LRRC4B: variants seen among roughly 807,000 people sequenced by gnomAD.
LRRC4B encodes leucine-rich repeat-containing protein 4B.
A neutral mutation model predicts 7.3 loss-of-function variants in LRRC4B; 1 was observed. The ratio of observed to expected loss-of-function variants is 0.14; its 90% CI spans 0.05 to 0.65. LRRC4B has a LOEUF of 0.65. Among genes scored for constraint, LRRC4B ranks in the 30% least tolerant of loss-of-function variants. The pLI, the probability that LRRC4B is intolerant of heterozygous loss-of-function variation, is 0.84. For missense variants in LRRC4B, 730 were observed against 1,041.6 expected (o/e 0.70, Z 4.12); for synonymous variants, 500 against 499.2 (o/e 1.00, Z -0.02).
At position 50,556,455 on chromosome 19, in the gene LRRC4B, C is replaced by T. The variant is rs937493832; in HGVS notation, c.-35-7582G>A. Among the ~76,000 whole-genome samples the T allele has an allele frequency of 1.8e-4, 28 of 152,144 alleles. No individual in the cohort carries two copies. Among genetic ancestry groups the T allele is most frequent in the African/African-American group, 6.5e-4 (27 of 41,420 alleles). ...TGCCCCTGCTGTGCCCTCGGCCAGC[C>T]GGGGGTGCTCTTCCTGGGGTCAGGG... On this transcript the variant is annotated intron_variant, in intron 1 of 2. Transcript: ENST00000652263. The surrounding 1 kb of genome is among the most constrained non-coding windows in gnomAD (Gnocchi z 4.2).
At chr19:50,561,179 C>G (rs886532112) in intron 1 of LRRC4B, among the ~76,000 whole-genome samples, 8 of 152,146 alleles carry the variant, frequency 5.3e-5, no homozygotes, top group African/African-American at 1.9e-4. Flanking sequence ...CCACCCAACC[C>G]CGCCACTTCT....
chr19:50,519,780 C>T lies in LRRC4B; in HGVS notation c.298-365G>A, dbSNP rs1256660629. Among the ~76,000 whole-genome samples, 1 of 151,514 alleles carries T rather than the reference C, an allele frequency of 6.6e-6. No homozygotes were observed. Among genetic ancestry groups the T allele is most frequent in the Non-Finnish European group, 1.5e-5 (1 of 67,904 alleles). ...CCCAGCTACTCGGGAGGCTGAGGCACGAGAATCACTTGAACCCAGGAGGCG... is the reference window on the plus strand; with the variant it reads ...CCCAGCTACTCGGGAGGCTGAGGCATGAGAATCACTTGAACCCAGGAGGCG... On this transcript the variant is annotated intron_variant, in intron 2 of 2. Transcript: ENST00000652263. The surrounding 1 kb of genome is among the most constrained non-coding windows in gnomAD (Gnocchi z 8.1).
chr19:50,517,658 GC>G lies in LRRC4B; in HGVS notation c.2054del (p.Gly685AlafsTer181). The G allele has an allele frequency of 2.6e-6, 4 of 1,510,078 alleles. No homozygotes were observed. The highest frequency in any genetic ancestry group is 1.3e-5 in the South Asian group (1 of 76,280). The allele number at this position is 1,510,078 out of a possible 1,614,324, so 93.5% of individuals were successfully genotyped here. ...TGGAGTTGAGGCCAGGCGGGCCTTTGCCCCCGCAGCCCCCGCCGCTGGGGTT... is the reference window on the plus strand; with the variant it reads ...TGGAGTTGAGGCCAGGCGGGCCTTTGCCCCGCAGCCCCCGCCGCTGGGGTT... ...SSNPSGGGCG[G>X]KGPPGLNSIH... On this transcript the variant is annotated frameshift_variant, in exon 3 of 3. Coordinates refer to ENST00000652263, the MANE Select transcript of LRRC4B (RefSeq NM_001080457.2). LOFTEE classifies it low-confidence loss of function (END_TRUNC). The surrounding 1 kb of genome is among the most constrained non-coding windows in gnomAD (Gnocchi z 6.6).
At chr19:50,550,284 C>T (rs1320375409) in intron 1 of LRRC4B, among the ~76,000 whole-genome samples, 3 of 152,122 alleles carry the variant, frequency 2.0e-5, no homozygotes, top group South Asian at 2.1e-4. Flanking sequence ...CTCCTTTGCA[C>T]GCAGCATCTC....
intron 1 of LRRC4B, among the ~76,000 whole-genome samples, chr19:50,565,201 G>C (rs1466535885): frequency 1.3e-5 from 2 of 152,204 alleles, no homozygotes; most frequent in African/African-American, 4.8e-5. Context: ...ACAGTGCACA[G>C]CTCTGTGACT....
rs1224840675 is a variant in LRRC4B, at chr19:50,548,405, C to G, written c.297+137G>C. 8.1e-7 allele frequency: 1 copy of G among 1,228,068 alleles called. No homozygotes were observed. Among genetic ancestry groups the G allele is most frequent in the Non-Finnish European group, 1.1e-6 (1 of 887,758 alleles). The allele number at this position is 1,228,068 out of a possible 1,614,324, so 76.1% of individuals were successfully genotyped here. ...GAGCCCGGCTCCAGCTGATAGGATG[C>G]AGACCCGCAGGCCACATCCACAGGT... On this transcript the variant is annotated intron_variant, in intron 2 of 2. Coordinates refer to ENST00000652263, the MANE Select transcript of LRRC4B (RefSeq NM_001080457.2). The surrounding 1 kb of genome is among the most constrained non-coding windows in gnomAD (Gnocchi z 6.8).
At chr19:50,543,943 G>T (rs916778990) in intron 2 of LRRC4B, among the ~76,000 whole-genome samples, 2 of 150,468 alleles carry the variant, frequency 1.3e-5, no homozygotes, top group African/African-American at 4.9e-5. Flanking sequence ...TGGTGGCTTG[G>T]GCCTGTAATC....
At chr19:50,530,928 TG>T (rs35771555) in intron 2 of LRRC4B, among the ~76,000 whole-genome samples, 39,233 of 111,502 alleles carry the variant, frequency 0.35, 6,119 homozygotes, top group Middle Eastern at 0.46. Context: ...AGTAGAAACC[TG>T]GGGGGGGGGG....
intron 2 of LRRC4B, among the ~76,000 whole-genome samples, chr19:50,523,256 A>G (rs1450485939): frequency 3.3e-5 from 5 of 152,046 alleles, no homozygotes; most frequent in African/African-American, 1.2e-4. Context: ...GCCAGGGAGA[A>G]GGGGACGGAC....
chr19:50,551,455 C>T (rs554132639), intron 1 of LRRC4B, among the ~76,000 whole-genome samples: 3 of 149,742 alleles, frequency 2.0e-5, no homozygotes, highest in East Asian at 2.0e-4. Context: ...TCCTTCCACC[C>T]CCTCTCCCAC....
chr19:50,522,481 T>TATTTATTC (rs1215780211), intron 2 of LRRC4B, among the ~76,000 whole-genome samples: 2 of 151,674 alleles, frequency 1.3e-5, no homozygotes, highest in Non-Finnish European at 2.9e-5. Flanking sequence ...TTTATTTATT[T>TATTTATTC]ATTTATTTAT....
chr19:50,527,604 C>T (rs541395658), intron 2 of LRRC4B, among the ~76,000 whole-genome samples: 5 of 152,126 alleles, frequency 3.3e-5, no homozygotes, highest in South Asian at 2.1e-4. Flanking sequence ...ATGATATGAA[C>T]GGCCCTCTAG....
chr19:50,546,573 C>T (rs1368046630), intron 2 of LRRC4B, among the ~76,000 whole-genome samples: 1 of 152,116 alleles, frequency 6.6e-6, no homozygotes, highest in Non-Finnish European at 1.5e-5. Context: ...CGTCTGGATC[C>T]CTATTGATGC....
Position 50,555,560 on chromosome 19 carries a change from A to G in LRRC4B, c.-35-6687T>C, listed in dbSNP as rs945806187. On this transcript the variant is annotated intron_variant, in intron 1 of 2. Coordinates refer to ENST00000652263, the MANE Select transcript of LRRC4B (RefSeq NM_001080457.2). The surrounding 1 kb of genome is among the most constrained non-coding windows in gnomAD (Gnocchi z 5.2). ...CCGAGATGGAGCTGAGATCCAGGCGAAGGCAGAGGCTGGGAGGGCCCGGGC... is the reference window on the plus strand; with the variant it reads ...CCGAGATGGAGCTGAGATCCAGGCGGAGGCAGAGGCTGGGAGGGCCCGGGC... 12 of 152,770 alleles carry G rather than the reference A, an allele frequency of 7.9e-5. No individual in the cohort carries two copies. The highest frequency in any genetic ancestry group is 2.9e-4 in the African/African-American group (12 of 41,464). The allele number at this position is 152,770 out of a possible 1,614,324, so 9.5% of individuals were successfully genotyped here.
intron 1 of LRRC4B, among the ~76,000 whole-genome samples, chr19:50,559,962 C>G (rs1982413287): frequency 6.6e-6 from 1 of 152,164 alleles, no homozygotes; most frequent in African/African-American, 2.4e-5. Context: ...TGGTGAAACC[C>G]TGTCTCTAAT....
intron 2 of LRRC4B, among the ~76,000 whole-genome samples, chr19:50,542,290 G>A (rs55998053): frequency 0.064 from 9,808 of 152,066 alleles, 437 homozygotes; most frequent in Middle Eastern, 0.13. Context: ...CAGGTCCCGA[G>A]GAGATGGAGG....
At position 50,548,980 on chromosome 19, in the gene LRRC4B, A is replaced by G; in HGVS notation, c.-35-107T>C. 1 of 626,916 alleles carries G rather than the reference A, an allele frequency of 1.6e-6. No individual in the cohort carries two copies. Among genetic ancestry groups the G allele is most frequent in the Non-Finnish European group, 2.7e-6 (1 of 367,126 alleles). The allele number at this position is 626,916 out of a possible 1,614,324, so 38.8% of individuals were successfully genotyped here. On this transcript the variant is annotated intron_variant, in intron 1 of 2. Coordinates refer to ENST00000652263, the MANE Select transcript of LRRC4B (RefSeq NM_001080457.2). The surrounding 1 kb of genome is among the most constrained non-coding windows in gnomAD (Gnocchi z 6.8). Reference sequence around the variant, plus strand: ...AGCCCCATCGCCGCCTCCCTGCCCCATGCCCAGAACAAAGGGACAGGGAGG... The same window carrying G: ...AGCCCCATCGCCGCCTCCCTGCCCCGTGCCCAGAACAAAGGGACAGGGAGG...
In LRRC4B at chr19:50,548,939, T is replaced by C; in HGVS notation, c.-35-66A>G. 1 of 868,448 alleles carries C rather than the reference T, an allele frequency of 1.2e-6. No homozygotes were observed. The highest frequency in any genetic ancestry group is 1.7e-6 in the Non-Finnish European group (1 of 585,180). The allele number at this position is 868,448 out of a possible 1,614,324, so 53.8% of individuals were successfully genotyped here. A position where few individuals can be genotyped will look rare whatever the true frequency, so the allele number is the denominator to read the frequency against. ...ACAGGAGCCCATGTGGCCTGGGTGC[T>C]TGCCAACACCCAGGCAGCCCCATCG... On this transcript the variant is annotated intron_variant, in intron 1 of 2. Transcript: ENST00000652263. This position sits in a 1 kb window ranked among gnomAD's most constrained non-coding sequence, Gnocchi z 6.8.
chr19:50,518,765 G>A lies in LRRC4B; in HGVS notation c.948C>T (p.Asn316=), dbSNP rs1168568316. The change falls in exon 3 of 3, where the codon AAC becomes AAT. Residue 316 remains asparagine, a synonymous_variant. Transcript: ENST00000652263. Reference sequence around the variant, plus strand: ...ACCAGCTCAGCCAGAGCACGTCGCAGTTGCAATGCCAGGGGTTGTGGTTGA... The same window carrying A: ...ACCAGCTCAGCCAGAGCACGTCGCAATTGCAATGCCAGGGGTTGTGGTTGA... ...VHLNHNPWHC[N]CDVLWLSWWL... is the part of the protein sequence containing the mutation. The A allele has an allele frequency of 1.9e-6, 3 of 1,614,094 alleles. No homozygotes were observed. Among genetic ancestry groups the A allele is most frequent in the Middle Eastern group, 1.6e-4 (1 of 6,062 alleles).
Sources: allele counts gnomAD v4.1 joint callset (sites outside exome capture counted in the v4.1 genomes callset), GRCh38; gene constraint gnomAD v4.1.1; non-coding constraint Gnocchi (gnomAD v3.1); transcripts MANE v1.5; gene names NCBI Gene and HGNC (gene_info 2026-07-23, HGNC 2026-07-21).